The following PPM1A variants were observed in gnomAD, a reference collection of about 807,000 sequenced individuals.
The protein encoded by PPM1A is protein phosphatase, Mg2+/Mn2+ dependent 1A.
In PPM1A, 7 loss-of-function variants were observed where a neutral mutation model predicts 35.0. The observed-to-expected ratio is 0.20, with a 90% CI of 0.11 to 0.38. PPM1A has a LOEUF of 0.38. PPM1A is among the 10% of genes least tolerant of loss of function. PPM1A has a pLI of 1.00. For missense variants in PPM1A, 239 were observed against 467.8 expected, an observed-to-expected ratio of 0.51 and a Z score of 4.51; for synonymous variants, 153 against 167.3, an observed-to-expected ratio of 0.91 and a Z score of 0.66.
At position 60,295,028 on chromosome 14, in the gene PPM1A, C is replaced by T. The variant is rs978927273; in HGVS notation, c.*2546C>T. On this transcript the variant is annotated 3_prime_UTR_variant, in exon 6 of 6. Transcript: ENST00000395076. The stretch of plus-strand genomic sequence containing the variant: ...ACTTCATTCTTGTACCACTTAAATT[C>T]TTCACCCCCATCCCCTTTTTTTGTG... 1 of 151,724 alleles carries T rather than the reference C, an allele frequency of 6.6e-6. No individual in the cohort carries two copies. Among genetic ancestry groups the T allele is most frequent in the East Asian group, 1.9e-4 (1 of 5,192 alleles). 9.4% of individuals were successfully genotyped at this position (151,724 alleles called of 1,614,324 possible).
Position 60,292,475 on chromosome 14 carries a change from T to G in PPM1A, c.1142T>G (p.Met381Arg). The change falls in exon 6 of 6, where the codon ATG becomes AGG. Residue 381 changes from methionine to arginine, a missense_variant. Met to Arg is a moderately conservative substitution (Grantham distance 91). Around this residue, in one of 2 missense-constraint regions of PPM1A, gnomAD observed 64 missense variants for 78.6 expected, o/e 0.81. Coordinates refer to ENST00000395076, the MANE Select transcript of PPM1A (RefSeq NM_021003.5). The surrounding 1 kb of genome is among the most constrained non-coding windows in gnomAD (Gnocchi z 4.2). Reference protein sequence around the residue: ...DDTDSTSTDDMW With the variant: ...DDTDSTSTDDRW ...AAGGACTCTACATCAACAGATGATA[T>G]GTGGTAAAACTGCTCATCTAGCCAT... The G allele has an allele frequency of 6.2e-7, 1 of 1,602,736 alleles. No individual in the cohort carries two copies. Among genetic ancestry groups the G allele is most frequent in the Non-Finnish European group, 8.5e-7 (1 of 1,170,664 alleles).
chr14:60,250,553 T>C (rs190208237), intron 1 of PPM1A: 1 of 477,530 alleles, frequency 2.1e-6, no homozygotes, highest in Admixed American at 6.4e-5. Context: ...GTCCAAGCCA[T>C]GGGATCTGTG....
intron 2 of PPM1A, among the ~76,000 whole-genome samples, chr14:60,284,913 C>T (rs948941814): frequency 7.9e-5 from 12 of 151,642 alleles, no homozygotes; most frequent in Non-Finnish European, 1.5e-5. Flanking sequence ...TGCTTATTAA[C>T]TTATTCTTTG....
intron 1 of PPM1A, among the ~76,000 whole-genome samples, chr14:60,259,460 CA>C (rs962759583): frequency 6.6e-6 from 1 of 152,004 alleles, no homozygotes; most frequent in African/African-American, 2.4e-5. Context: ...TGGATTGGAT[CA>C]GGAAGTCAGT....
intron 1 of PPM1A, among the ~76,000 whole-genome samples, chr14:60,267,857 G>GCA (rs1051404672): frequency 3.3e-5 from 5 of 151,950 alleles, no homozygotes; most frequent in African/African-American, 1.2e-4. Context: ...CTCTTGGCAT[G>GCA]CACACACACA....
rs1029042479 is a variant in PPM1A at position 60,296,855 on chromosome 14, T to C, written c.*4373T>C. ...AATTCATTGTCAAATGAACGTTTTCTAATTTTGTTCACAGATTCTTTCCCT... is the reference window on the plus strand; with the variant it reads ...AATTCATTGTCAAATGAACGTTTTCCAATTTTGTTCACAGATTCTTTCCCT... On this transcript the variant is annotated 3_prime_UTR_variant, in exon 6 of 6. Coordinates refer to ENST00000395076, the MANE Select transcript of PPM1A (RefSeq NM_021003.5). This position sits in a 1 kb window ranked among gnomAD's most constrained non-coding sequence, Gnocchi z 4.4. The C allele has an allele frequency of 9.7e-6, 3 of 309,222 alleles. No homozygotes were observed. Among genetic ancestry groups the C allele is most frequent in the Non-Finnish European group, 1.8e-5 (3 of 167,390 alleles). The allele number at this position is 309,222 out of a possible 1,614,324, so 19.2% of individuals were successfully genotyped here.
At chr14:60,246,538 C>T (rs1019824578), upstream of PPM1A, among the ~76,000 whole-genome samples, 3 of 152,082 alleles carry the variant, frequency 2.0e-5, no homozygotes, top group Non-Finnish European at 4.4e-5. Flanking sequence ...AATATATTCC[C>T]ACTAAAATCT....
intron 1 of PPM1A, among the ~76,000 whole-genome samples, chr14:60,277,602 T>A (rs2139494607): frequency 6.6e-6 from 1 of 152,354 alleles, no homozygotes; most frequent in East Asian, 1.9e-4. Flanking sequence ...AAAGAATTAT[T>A]TGGTAGTTTC....
intron 1 of PPM1A, among the ~76,000 whole-genome samples, chr14:60,256,159 GC>G (rs1883113592): frequency 6.6e-6 from 1 of 152,230 alleles, no homozygotes; most frequent in African/African-American, 2.4e-5. Context: ...GGTGGCTTAT[GC>G]CTGTAATCCC....
intron 1 of PPM1A, among the ~76,000 whole-genome samples, chr14:60,278,186 A>G (rs1455164578): frequency 6.6e-6 from 1 of 152,216 alleles, no homozygotes; most frequent in Middle Eastern, 3.2e-3. Flanking sequence ...TTGTTCAGAG[A>G]TAAAAATGTA....
rs1373220053 is a variant in PPM1A, at chr14:60,294,699, AC to A, written c.*2218del. 1 of 151,668 alleles carries A rather than the reference AC, an allele frequency of 6.6e-6. No homozygotes were observed. Among genetic ancestry groups the A allele is most frequent in the Non-Finnish European group, 1.5e-5 (1 of 67,774 alleles). 9.4% of individuals were successfully genotyped at this position (151,668 alleles called of 1,614,324 possible). On this transcript the variant is annotated 3_prime_UTR_variant, in exon 6 of 6. Transcript: ENST00000395076. ...ATGGAAAGCTGTATTTCAAACCATA[AC>A]AGCATATTTAGAGCCTTTTTTTTTT... is the stretch of plus-strand genomic sequence containing the variant.
chr14:60,294,389 T>TA lies in PPM1A; in HGVS notation c.*1908dup, dbSNP rs1887897962. The TA allele has an allele frequency of 6.6e-6, 1 of 151,932 alleles. No homozygotes were observed. Among genetic ancestry groups the TA allele is most frequent in the African/African-American group, 2.4e-5 (1 of 41,420 alleles). 9.4% of individuals were successfully genotyped at this position (151,932 alleles called of 1,614,324 possible). A position where few individuals can be genotyped will look rare whatever the true frequency, so the allele number is the denominator to read the frequency against. ...GAAATTACAGAACCAATTCCATACT[T>TA]ACAATAAATACTTAATGTCTAAATC... On this transcript the variant is annotated 3_prime_UTR_variant, in exon 6 of 6. Coordinates refer to ENST00000395076, the MANE Select transcript of PPM1A (RefSeq NM_021003.5).
At chr14:60,258,770 G>GGTAT (rs1443227401) in intron 1 of PPM1A, among the ~76,000 whole-genome samples, 1 of 152,034 alleles carries the variant, frequency 6.6e-6, no homozygotes, top group East Asian at 1.9e-4. Context: ...GAGAAGCCAA[G>GGTAT]GTATAATGGC....
At chr14:60,266,745 A>T (rs1884428233) in intron 1 of PPM1A, among the ~76,000 whole-genome samples, 1 of 152,168 alleles carries the variant, frequency 6.6e-6, no homozygotes, top group African/African-American at 2.4e-5. Context: ...GGTATTGCAG[A>T]TTCTCATGAT....
chr14:60,289,155 T>C lies in PPM1A; in HGVS notation c.953-651T>C, dbSNP rs1887348914. Among the ~76,000 whole-genome samples, 1 of 152,134 alleles carries C rather than the reference T, an allele frequency of 6.6e-6. No homozygotes were observed. Among genetic ancestry groups the C allele is most frequent in the African/African-American group, 2.4e-5 (1 of 41,456 alleles). On this transcript the variant is annotated intron_variant, in intron 3 of 5. Coordinates refer to ENST00000395076, the MANE Select transcript of PPM1A (RefSeq NM_021003.5). The surrounding 1 kb of genome is among the most constrained non-coding windows in gnomAD (Gnocchi z 4.1). ...CATTTTATAAGGAAATTTAGACCTT[T>C]TCTATTCAAGGCTTTGTTGAAGTAA... is the stretch of plus-strand genomic sequence containing the variant.
rs889371816 is a variant in PPM1A, at chr14:60,291,268, A to C, written c.1062-129A>C. 3.8e-5 allele frequency: 22 copies of C among 583,592 alleles called. No individual in the cohort carries two copies. The Admixed American group carries it at 7.9e-4, about 21-fold the overall frequency. 36.2% of individuals were successfully genotyped at this position (583,592 alleles called of 1,614,324 possible). On this transcript the variant is annotated intron_variant, in intron 4 of 5. Transcript: ENST00000395076. ...AAAAGTGAGGCTCACTATTGACAGC[A>C]AGAAATAGAACTAAAATAATATCTG...
chr14:60,283,051 A>C lies in PPM1A; in HGVS notation c.348A>C (p.Ser116=), dbSNP rs748897766. 6.2e-7 allele frequency: 1 copy of C among 1,614,140 alleles called. No individual in the cohort carries two copies. Among genetic ancestry groups the C allele is most frequent in the African/African-American group, 1.3e-5 (1 of 74,950 alleles). The change falls in exon 2 of 6, where the codon TCA becomes TCC. Residue 116 remains serine, a synonymous_variant. Coordinates refer to ENST00000395076, the MANE Select transcript of PPM1A (RefSeq NM_021003.5). This position sits in a 1 kb window ranked among gnomAD's most constrained non-coding sequence, Gnocchi z 6.3. ...TTGATGAACACATGAGAGTTATGTC[A>C]GAGAAGAAACATGGTGCAGATAGAA... ...LEIDEHMRVM[S]EKKHGADRSG...
intron 3 of PPM1A, chr14:60,287,451 C>T (rs1326735515): frequency 2.5e-5 from 25 of 984,832 alleles, no homozygotes; most frequent in Non-Finnish European, 3.0e-5. Context: ...AAAATTGCTG[C>T]TATTTTAAAA....
chr14:60,287,046 G>T, intron 3 of PPM1A: 1 of 941,982 alleles, frequency 1.1e-6, no homozygotes, highest in Non-Finnish European at 1.3e-6. Flanking sequence ...TATGTATAGG[G>T]ATAAGTTGAT....
Sources: allele counts gnomAD v4.1 joint callset (sites outside exome capture counted in the v4.1 genomes callset), GRCh38; gene constraint gnomAD v4.1.1; regional missense constraint gnomAD v4.1.1; non-coding constraint Gnocchi (gnomAD v3.1); transcripts MANE v1.5; gene names NCBI Gene and HGNC (gene_info 2026-07-23, HGNC 2026-07-21).